The following FXYD6 variants were observed in gnomAD, a reference collection of about 807,000 sequenced individuals.
FXYD6 encodes the protein FXYD domain containing ion transport regulator 6, also known as FXYD domain-containing ion transport regulator 6.
Under a neutral mutation model 16.7 loss-of-function variants are expected in FXYD6, and 7 were observed. The observed-to-expected ratio is 0.42, with a 90% CI of 0.24 to 0.79. The LOEUF (loss-of-function observed/expected upper bound fraction) is 0.79. Among genes scored for constraint, FXYD6 ranks in the 30% least tolerant of loss-of-function variants. FXYD6 has a pLI of 0.28. For synonymous variants in FXYD6, 49 were observed against 43.0 expected, an observed-to-expected ratio of 1.14 and a Z score of -0.54; for missense variants, 111 against 116.2, an observed-to-expected ratio of 0.95 and a Z score of 0.21.
At chr11:117,853,474 C>CACAT (rs2056652109) in intron 1 of FXYD6, among the ~76,000 whole-genome samples, 8 of 152,122 alleles carry the variant, frequency 5.3e-5, no homozygotes, top group Admixed American at 5.2e-4. Flanking sequence ...GGCTAAGCTT[C>CACAT]ACATACTCCA....
At chr11:117,852,035 A>G (rs1374805895) in intron 1 of FXYD6, among the ~76,000 whole-genome samples, 1 of 152,256 alleles carries the variant, frequency 6.6e-6, no homozygotes, top group African/African-American at 2.4e-5. Context: ...TACGGAGAGA[A>G]GCACAGGATA....
rs1469159740 is a variant in FXYD6, at chr11:117,836,997, T to C, written c.*1302A>G. The C allele has an allele frequency of 6.6e-6, 1 of 152,180 alleles. No individual in the cohort carries two copies. Among genetic ancestry groups the C allele is most frequent in the African/African-American group, 2.4e-5 (1 of 41,434 alleles). The allele number at this position is 152,180 out of a possible 1,614,324, so 9.4% of individuals were successfully genotyped here. A position where few individuals can be genotyped will look rare whatever the true frequency, so the allele number is the denominator to read the frequency against. On this transcript the variant is annotated 3_prime_UTR_variant, in exon 8 of 8. Transcript: ENST00000526014. ...CCGAGCCACTAGGAAACAAAGGATA[T>C]TTTATTCCTTTTTTCTGTTGTTGTT...
At position 117,872,571 on chromosome 11, in the gene FXYD6, C is replaced by T. The variant is rs2057162133; in HGVS notation, c.-6+4021G>A. On this transcript the variant is annotated intron_variant, in intron 1 of 7. Coordinates refer to ENST00000526014, the MANE Select transcript of FXYD6 (RefSeq NM_022003.4). This position sits in a 1 kb window ranked among gnomAD's most constrained non-coding sequence, Gnocchi z 4.9. ...TGGGCCTGGCTTTGTCCTCCAGCTG[C>T]GTGGGGGTCACTGTTATTCTAACTA... 6.6e-6 allele frequency among the ~76,000 whole-genome samples: 1 copy of T among 152,198 alleles called. No individual in the cohort carries two copies. Among genetic ancestry groups the T allele is most frequent in the Admixed American group, 6.5e-5 (1 of 15,286 alleles).
At position 117,837,205 on chromosome 11, in the gene FXYD6, C is replaced by T. The variant is rs1000539118; in HGVS notation, c.*1094G>A. On this transcript the variant is annotated 3_prime_UTR_variant, in exon 8 of 8. Coordinates refer to ENST00000526014, the MANE Select transcript of FXYD6 (RefSeq NM_022003.4). The surrounding 1 kb of genome is among the most constrained non-coding windows in gnomAD (Gnocchi z 4.4). The stretch of plus-strand genomic sequence containing the variant: ...CCTGCTGAGTCTCCAACCCACCTCG[C>T]TCACCGCTCTGACCACTGACAGGCA... 6.6e-6 allele frequency: 1 copy of T among 152,178 alleles called. No homozygotes were observed. The highest frequency in any genetic ancestry group is 1.5e-5 in the Non-Finnish European group (1 of 68,074). 9.4% of individuals were successfully genotyped at this position (152,178 alleles called of 1,614,324 possible). A position where few individuals can be genotyped will look rare whatever the true frequency, so the allele number is the denominator to read the frequency against.
At chr11:117,857,098 G>C (rs1371758826) in intron 1 of FXYD6, among the ~76,000 whole-genome samples, 1 of 152,230 alleles carries the variant, frequency 6.6e-6, no homozygotes, top group Non-Finnish European at 1.5e-5. Context: ...GAGGGCAGGA[G>C]GGAAGCCACT....
At chr11:117,866,199 G>A (rs1310652804) in intron 1 of FXYD6, among the ~76,000 whole-genome samples, 1 of 152,108 alleles carries the variant, frequency 6.6e-6, no homozygotes, top group Non-Finnish European at 1.5e-5. Flanking sequence ...CAAGACGATG[G>A]GAGTTCTTGA....
In FXYD6 at chr11:117,841,017, C is replaced by T. The variant is rs184152339; in HGVS notation, c.209+131G>A. The T allele has an allele frequency of 1.4e-4, 161 of 1,192,088 alleles. 1 individual carries two copies. The Admixed American group carries it at 2.3e-3, about 17-fold the overall frequency. 73.8% of individuals were successfully genotyped at this position (1,192,088 alleles called of 1,614,324 possible). A position where few individuals can be genotyped will look rare whatever the true frequency, so the allele number is the denominator to read the frequency against. ...GGCAGTCCTCAAACTTCCAGCCCTA[C>T]GTCCCAACACACACGTTCTGCCTCC... On this transcript the variant is annotated intron_variant, in intron 5 of 7. Transcript: ENST00000526014.
chr11:117,866,328 CTG>C (rs1491320826), intron 1 of FXYD6, among the ~76,000 whole-genome samples: 3 of 151,858 alleles, frequency 2.0e-5, no homozygotes, highest in Non-Finnish European at 2.9e-5. Flanking sequence ...TAAAAAAAAA[CTG>C]GGGGGGAAAT....
chr11:117,866,584 T>C (rs566994779), intron 1 of FXYD6, among the ~76,000 whole-genome samples: 1 of 152,332 alleles, frequency 6.6e-6, no homozygotes, highest in Non-Finnish European at 1.5e-5. Flanking sequence ...GGTTGTGGCA[T>C]GTCTGTTACC....
At chr11:117,841,906 A>G (rs778675739) in intron 3 of FXYD6, 41 bp from the exon 4 acceptor site, 36 of 1,613,758 alleles carry the variant, frequency 2.2e-5, no homozygotes, top group Non-Finnish European at 2.7e-5. Flanking sequence ...GGGGCCAGGG[A>G]GAGGGTGTCT....
At chr11:117,865,194 TA>T (rs1439082419) in intron 1 of FXYD6, among the ~76,000 whole-genome samples, 3 of 151,842 alleles carry the variant, frequency 2.0e-5, no homozygotes, top group South Asian at 4.1e-4. Flanking sequence ...ATAGCTGCTA[TA>T]AAAAAAAGAA....
At chr11:117,846,236 T>C (rs1023776792) in intron 1 of FXYD6, among the ~76,000 whole-genome samples, 3 of 152,278 alleles carry the variant, frequency 2.0e-5, no homozygotes, top group Non-Finnish European at 4.4e-5. Flanking sequence ...ATCAGTGATA[T>C]GTTTTTCATG....
chr11:117,857,936 C>G (rs1329304304), intron 1 of FXYD6, among the ~76,000 whole-genome samples: 1 of 152,174 alleles, frequency 6.6e-6, no homozygotes, highest in Non-Finnish European at 1.5e-5. Context: ...TGAACGGGAC[C>G]TGGGGGAGTG....
chr11:117,859,622 G>A (rs2056857231), intron 1 of FXYD6, among the ~76,000 whole-genome samples: 1 of 152,144 alleles, frequency 6.6e-6, no homozygotes. Flanking sequence ...ATGTGCACCT[G>A]TGGCCCTTTC....
chr11:117,861,118 C>T (rs145409543), intron 1 of FXYD6, among the ~76,000 whole-genome samples: 4 of 152,322 alleles, frequency 2.6e-5, no homozygotes, highest in African/African-American at 9.6e-5. Context: ...GCATGCATCT[C>T]GGGATCAGTG....
Position 117,838,073 on chromosome 11 carries a change from G to T in FXYD6, c.*226C>A. On this transcript the variant is annotated 3_prime_UTR_variant, in exon 8 of 8. Coordinates refer to ENST00000526014, the MANE Select transcript of FXYD6 (RefSeq NM_022003.4). ...CACACACACACACACACACATCACGGGAGGTGGGCAGGACCGCAGGCTGCA... is the reference window on the plus strand; with the variant it reads ...CACACACACACACACACACATCACGTGAGGTGGGCAGGACCGCAGGCTGCA... 1 of 674,766 alleles carries T rather than the reference G, an allele frequency of 1.5e-6. No homozygotes were observed. The highest frequency in any genetic ancestry group is 2.7e-6 in the Non-Finnish European group (1 of 369,794). 41.8% of individuals were successfully genotyped at this position (674,766 alleles called of 1,614,324 possible).
At chr11:117,846,595 G>A (rs75589807) in intron 1 of FXYD6, among the ~76,000 whole-genome samples, 3 of 152,172 alleles carry the variant, frequency 2.0e-5, no homozygotes, top group Non-Finnish European at 2.9e-5. Flanking sequence ...ATGATAACTT[G>A]TACTGTAACC....
At position 117,838,049 on chromosome 11, in the gene FXYD6, ACAC is replaced by A; in HGVS notation, c.*247_*249del. 1 of 644,024 alleles carries A rather than the reference ACAC, an allele frequency of 1.6e-6. No homozygotes were observed. The highest frequency in any genetic ancestry group is 1.8e-5 in the African/African-American group (1 of 55,682). The allele number at this position is 644,024 out of a possible 1,614,324, so 39.9% of individuals were successfully genotyped here. On this transcript the variant is annotated 3_prime_UTR_variant, in exon 8 of 8. Transcript: ENST00000526014. ...TTAGCAAACACACACAGTCACACAC[ACAC>A]ACACACACACACACATCACGGGAGG...
At position 117,838,024 on chromosome 11, in the gene FXYD6, T is replaced by C; in HGVS notation, c.*275A>G. 1.6e-6 allele frequency: 1 copy of C among 607,088 alleles called. No individual in the cohort carries two copies. The highest frequency in any genetic ancestry group is 2.7e-5 in the Admixed American group (1 of 37,668). 37.6% of individuals were successfully genotyped at this position (607,088 alleles called of 1,614,324 possible). On this transcript the variant is annotated 3_prime_UTR_variant, in exon 8 of 8. Transcript: ENST00000526014. ...AAACAAGTAGCCACAAAGACCACAG[T>C]TAGCAAACACACACAGTCACACACA...
Sources: allele counts gnomAD v4.1 joint callset (sites outside exome capture counted in the v4.1 genomes callset), GRCh38; gene constraint gnomAD v4.1.1; non-coding constraint Gnocchi (gnomAD v3.1); transcripts MANE v1.5; gene names NCBI Gene and HGNC (gene_info 2026-07-23, HGNC 2026-07-21).